DLG2: variants seen among roughly 807,000 people sequenced by gnomAD.
DLG2 encodes discs large MAGUK scaffold protein 2.
In DLG2, 45 loss-of-function variants were observed where a neutral mutation model predicts 132.5. The ratio of observed to expected loss-of-function variants is 0.34; its 90% confidence interval spans 0.27 to 0.44. DLG2 has a LOEUF of 0.44. Ranked by LOEUF, DLG2 falls within the 20% of genes least tolerant of loss-of-function variation. The probability of loss-of-function intolerance (pLI) is 1.00; values close to 1 mark genes in which losing one functional copy is unlikely to be tolerated. For synonymous variants in DLG2, 424 were observed against 419.6 expected (o/e 1.01, Z -0.13); for missense variants, 1,045 against 1,196.9 (o/e 0.87, Z 1.87).
intron 5 of DLG2, among the ~76,000 whole-genome samples, chr11:85,153,468 AT>A (rs2077396967): frequency 6.6e-6 from 1 of 152,130 alleles, no homozygotes; most frequent in South Asian, 2.1e-4. Context: ...AAGATTCATC[AT>A]TTCTCTATAA....
At chr11:83,534,956 TA>T (rs1482127164) in intron 20 of DLG2, among the ~76,000 whole-genome samples, 5 of 151,970 alleles carry the variant, frequency 3.3e-5, no homozygotes, top group African/African-American at 1.2e-4. Context: ...CAAAAGTAAA[TA>T]AATATAAATA....
At chr11:83,530,035 C>T (rs1359512899) in intron 21 of DLG2, among the ~76,000 whole-genome samples, 2 of 152,042 alleles carry the variant, frequency 1.3e-5, no homozygotes, top group African/African-American at 2.4e-5. Context: ...GTTTCTGGCA[C>T]ATGGTAGGTA....
chr11:83,879,584 A>C (rs1380431638), intron 15 of DLG2, among the ~76,000 whole-genome samples: 3 of 152,184 alleles, frequency 2.0e-5, no homozygotes, highest in Admixed American at 2.0e-4. Flanking sequence ...TATGTCTTGG[A>C]TATCCAATCA....
At chr11:83,647,632 G>A (rs2153506055) in intron 18 of DLG2, 1 of 152,190 alleles carries the variant, frequency 6.6e-6, no homozygotes, top group East Asian at 1.9e-4. Flanking sequence ...GCTCTGATGT[G>A]TCATTTTCTA....
At chr11:84,708,121 A>G (rs1335177814) in intron 6 of DLG2, among the ~76,000 whole-genome samples, 2 of 151,766 alleles carry the variant, frequency 1.3e-5, no homozygotes, top group Non-Finnish European at 2.9e-5. Context: ...TGATCATCTG[A>G]AAAATATTAT....
chr11:84,749,253 T>G (rs1219155288), intron 6 of DLG2, among the ~76,000 whole-genome samples: 1 of 152,156 alleles, frequency 6.6e-6, no homozygotes, highest in Non-Finnish European at 1.5e-5. Context: ...AAAAGTTTTC[T>G]ACACAGTTAC....
intron 4 of DLG2, among the ~76,000 whole-genome samples, chr11:85,167,529 A>G (rs945493858): frequency 1.1e-4 from 17 of 152,122 alleles, no homozygotes; most frequent in Admixed American, 1.0e-3. Flanking sequence ...GAACCCTCCT[A>G]ATACCCAGAG....
chr11:85,218,141 G>T (rs190459558), intron 4 of DLG2, among the ~76,000 whole-genome samples: 1 of 152,086 alleles, frequency 6.6e-6, no homozygotes, highest in African/African-American at 2.4e-5. Flanking sequence ...ATTGCTCTAC[G>T]TGTCTGTTTT....
At chr11:85,559,980 G>A (rs532914465) in intron 3 of DLG2, among the ~76,000 whole-genome samples, 3 of 151,756 alleles carry the variant, frequency 2.0e-5, no homozygotes, top group South Asian at 4.2e-4. Context: ...TTATGAACTA[G>A]TAGTAACACA....
chr11:84,799,943 G>T (rs7119342), intron 6 of DLG2, among the ~76,000 whole-genome samples: 5,280 of 152,228 alleles, frequency 0.035, 287 homozygotes, highest in African/African-American at 0.11. Flanking sequence ...ATTTGCATAT[G>T]CTTTATGAGA....
intron 6 of DLG2, among the ~76,000 whole-genome samples, chr11:84,690,321 T>C (rs1411705612): frequency 6.6e-6 from 1 of 151,938 alleles, no homozygotes; most frequent in African/African-American, 2.4e-5. Context: ...GATGGATGGA[T>C]ATGTTATTTA....
chr11:84,772,514 AAC>A (rs1158423582), intron 6 of DLG2, among the ~76,000 whole-genome samples: 1 of 152,174 alleles, frequency 6.6e-6, no homozygotes, highest in Non-Finnish European at 1.5e-5. Context: ...CTGCACATGG[AAC>A]ATACTCCAAG....
intron 9 of DLG2, among the ~76,000 whole-genome samples, chr11:84,141,305 T>G (rs887012860): frequency 1.3e-5 from 2 of 151,448 alleles, no homozygotes; most frequent in South Asian, 4.1e-4. Context: ...ATATATATAA[T>G]ATAGAATATA....
chr11:85,026,676 A>G (rs2060547989), intron 6 of DLG2, among the ~76,000 whole-genome samples: 1 of 152,032 alleles, frequency 6.6e-6, no homozygotes, highest in African/African-American at 2.4e-5. Flanking sequence ...TCTCTACTAA[A>G]AACACAACAA....
At chr11:85,158,260 T>C (rs1355370368) in intron 4 of DLG2, among the ~76,000 whole-genome samples, 2 of 152,214 alleles carry the variant, frequency 1.3e-5, no homozygotes, top group African/African-American at 2.4e-5. Context: ...GCTGAATTTA[T>C]TGATCCGGCC....
intron 6 of DLG2, among the ~76,000 whole-genome samples, chr11:84,538,480 G>A (rs534933805): frequency 2.6e-5 from 4 of 152,306 alleles, no homozygotes; most frequent in African/African-American, 9.6e-5. Flanking sequence ...ACCTCACGGT[G>A]AGACAAATCC....
intron 3 of DLG2, among the ~76,000 whole-genome samples, chr11:85,481,608 C>T (rs1255935614): frequency 6.6e-6 from 1 of 152,092 alleles, no homozygotes; most frequent in Non-Finnish European, 1.5e-5. Flanking sequence ...AGGAAGACCC[C>T]CAACAGCCCC....
At chr11:83,876,769 A>G (rs1405426401) in intron 15 of DLG2, among the ~76,000 whole-genome samples, 1 of 152,164 alleles carries the variant, frequency 6.6e-6, no homozygotes, top group Non-Finnish European at 1.5e-5. Context: ...CTGACTCTCT[A>G]CGTGTCCATA....
chr11:85,026,427 A>G, intron 6 of DLG2, among the ~76,000 whole-genome samples: 1 of 152,212 alleles, frequency 6.6e-6, no homozygotes, highest in East Asian at 1.9e-4. Context: ...TGTTAATACT[A>G]TCTAGTGTTC....
Sources: gnomAD v4.1 joint callset for allele counts (sites outside exome capture counted in the v4.1 genomes callset) on GRCh38, gnomAD v4.1.1 for gene constraint, MANE v1.5 for transcripts, NCBI Gene and HGNC (gene_info 2026-07-23, HGNC 2026-07-21) for gene names.